PSPH: variants seen among roughly 807,000 people sequenced by gnomAD.
The protein encoded by PSPH is L-3-phosphoserine phosphatase.
Under a neutral mutation model 23.4 loss-of-function variants are expected in PSPH, and 16 were observed. The observed-to-expected ratio is 0.68, with a 90% confidence interval of 0.46 to 1.04. The LOEUF (loss-of-function observed/expected upper bound fraction) is 1.04, where lower values mean the gene tolerates loss of function less well. Ranked by LOEUF, PSPH falls within the 50% of genes least tolerant of loss-of-function variation. The probability of loss-of-function intolerance (pLI) is 0.00; values close to 1 mark genes in which losing one functional copy is unlikely to be tolerated. For synonymous variants in PSPH, 68 were observed against 99.7 expected (o/e 0.68, Z 1.89); for missense variants, 223 against 273.7 (o/e 0.81, Z 1.31).
chr7:56,039,802 A>T (rs1322520421), intron 1 of PSPH, among the ~76,000 whole-genome samples: 2 of 150,012 alleles, frequency 1.3e-5, no homozygotes, highest in African/African-American at 4.9e-5. Flanking sequence ...AATTAAAAAA[A>T]AAAAAACAAT....
intron 6 of PSPH, among the ~76,000 whole-genome samples, chr7:56,015,803 C>T (rs1043209710): frequency 7.9e-5 from 12 of 151,926 alleles, no homozygotes; most frequent in African/African-American, 2.4e-4. Flanking sequence ...GGATTATAGG[C>T]GCATGCCACC....
chr7:56,017,203 G>C (rs1788671562), intron 6 of PSPH, 31 bp downstream of exon 6: 1 of 1,613,552 alleles, frequency 6.2e-7, no homozygotes, highest in Non-Finnish European at 8.5e-7. Context: ...GAACTGCTAA[G>C]AAAGGGAACA....
intron 3 of PSPH, among the ~76,000 whole-genome samples, chr7:56,029,788 C>T (rs1244362449): frequency 6.6e-6 from 1 of 151,938 alleles, no homozygotes; most frequent in African/African-American, 2.4e-5. Context: ...GTTGCGAGAA[C>T]CAAGCTTATT....
chr7:56,046,614 G>A (rs1793278844), intron 1 of PSPH, among the ~76,000 whole-genome samples: 1 of 151,996 alleles, frequency 6.6e-6, no homozygotes, highest in Non-Finnish European at 1.5e-5. Context: ...GTGAAGCCCT[G>A]TCTCTACAAA....
intron 1 of PSPH, among the ~76,000 whole-genome samples, chr7:56,048,912 T>G (rs1793604368): frequency 6.6e-6 from 1 of 150,696 alleles, no homozygotes; most frequent in Non-Finnish European, 1.5e-5. Context: ...TCCTCTAGGG[T>G]TTTTTTGGTG....
At chr7:56,041,527 A>G (rs1436708186) in intron 1 of PSPH, among the ~76,000 whole-genome samples, 2 of 151,900 alleles carry the variant, frequency 1.3e-5, no homozygotes, top group African/African-American at 2.4e-5. Flanking sequence ...CAAGGTCTTT[A>G]AAGAGGCGAT....
chr7:56,032,206 C>T (rs1791088465), intron 2 of PSPH, among the ~76,000 whole-genome samples, 152 bp from the exon 3 acceptor site: 1 of 152,168 alleles, frequency 6.6e-6, no homozygotes, highest in Non-Finnish European at 1.5e-5. Flanking sequence ...AAATGCTTTA[C>T]TCCTACCCAC....
chr7:56,043,770 G>A (rs1336344307), intron 1 of PSPH, among the ~76,000 whole-genome samples: 2 of 151,748 alleles, frequency 1.3e-5, no homozygotes, highest in Non-Finnish European at 2.9e-5. Context: ...GGAAGCTGCA[G>A]TGAGCTGTGA....
rs1206958211 is a variant in PSPH at position 56,051,130 on chromosome 7, A to C, written c.-292+8T>G. The C allele has an allele frequency of 6.6e-6, 1 of 152,168 alleles. No individual in the cohort carries two copies. The highest frequency in any genetic ancestry group is 6.6e-5 in the Admixed American group (1 of 15,258). 9.4% of individuals were successfully genotyped at this position (152,168 alleles called of 1,614,324 possible). ...TGGAAACAATTGTGGAGCTCTTTGG[A>C]AATTTACCTTAAAAGGGAGTCCGCT... On this transcript the variant is annotated splice_region_variant and intron_variant, in intron 1 of 7. Coordinates refer to ENST00000275605, the MANE Select transcript of PSPH (RefSeq NM_004577.4).
intron 6 of PSPH, among the ~76,000 whole-genome samples, 167 bp from the exon 7 acceptor site, chr7:56,015,338 A>G (rs1788432563): frequency 6.6e-6 from 1 of 152,130 alleles, no homozygotes; most frequent in Non-Finnish European, 1.5e-5. Flanking sequence ...GGAATAAACA[A>G]GCTTTGCTTT....
At chr7:56,034,269 T>G (rs1412073835) in intron 1 of PSPH, 163 bp from the exon 2 acceptor site, 1 of 152,204 alleles carries the variant, frequency 6.6e-6, no homozygotes, top group African/African-American at 2.4e-5. Flanking sequence ...GCTCAGCCCC[T>G]GCAGTCTGAG....
intron 1 of PSPH, among the ~76,000 whole-genome samples, chr7:56,046,955 A>T (rs1271943666): frequency 6.6e-6 from 1 of 152,170 alleles, no homozygotes. Flanking sequence ...TGTATAAACA[A>T]CCCTGAGAAA....
chr7:56,024,205 G>C (rs555247988), intron 3 of PSPH, among the ~76,000 whole-genome samples: 2 of 151,620 alleles, frequency 1.3e-5, no homozygotes, highest in Non-Finnish European at 2.9e-5. Context: ...GTGAGCCACC[G>C]CGCCCGGCCT....
Position 56,011,811 on chromosome 7 carries a change from T to C in PSPH, c.629A>G (p.Lys210Arg). The C allele has an allele frequency of 1.9e-6, 3 of 1,613,654 alleles. No individual in the cohort carries two copies. The highest frequency in any genetic ancestry group is 1.7e-6 in the Non-Finnish European group (2 of 1,179,660). The change falls in exon 8 of 8, where the codon AAA becomes AGA. Residue 210 changes from lysine (K) to arginine (R), a missense_variant. Coordinates refer to ENST00000275605, the MANE Select transcript of PSPH (RefSeq NM_004577.4). ...CTCTACAAAATCAGTGATATACCAT[T>C]TGGCGTTATCCTTGACTTGTTGCCT... ...VIRQQVKDNA[K>R]WYITDFVELL...
chr7:56,047,613 G>A (rs1248974599), intron 1 of PSPH, among the ~76,000 whole-genome samples: 2 of 151,320 alleles, frequency 1.3e-5, no homozygotes, highest in Non-Finnish European at 2.9e-5. Flanking sequence ...TTCCTATAAT[G>A]CCTTGAAAAG....
chr7:56,040,699 A>C (rs1395843949), intron 1 of PSPH, among the ~76,000 whole-genome samples: 1 of 152,036 alleles, frequency 6.6e-6, no homozygotes, highest in Non-Finnish European at 1.5e-5. Context: ...ATATTCAACG[A>C]AACTAGAAGA....
intron 7 of PSPH, 37 bp from the exon 8 acceptor site, chr7:56,011,906 T>TTTTA (rs1554346172): frequency 1.5e-5 from 22 of 1,503,620 alleles, no homozygotes; most frequent in Non-Finnish European, 1.9e-5. Flanking sequence ...TGATTTTTAT[T>TTTTA]TTTATTTATT....
intron 7 of PSPH, among the ~76,000 whole-genome samples, chr7:56,014,281 A>ACT (rs972734109): frequency 4.6e-5 from 7 of 152,300 alleles, no homozygotes; most frequent in East Asian, 1.9e-4. Flanking sequence ...AATGAAATCA[A>ACT]CTTATTGAGC....
intron 3 of PSPH, among the ~76,000 whole-genome samples, chr7:56,022,693 G>A (rs1306972992): frequency 6.6e-6 from 1 of 152,188 alleles, no homozygotes; most frequent in Non-Finnish European, 1.5e-5. Flanking sequence ...AAAGGTCAGA[G>A]CTAAATATGA....
Sources: gnomAD v4.1 joint callset for allele counts (sites outside exome capture counted in the v4.1 genomes callset) on GRCh38, gnomAD v4.1.1 for gene constraint, MANE v1.5 for transcripts, NCBI Gene and HGNC (gene_info 2026-07-23, HGNC 2026-07-21) for gene names.